COQ2: variants seen among roughly 807,000 people sequenced by gnomAD.
COQ2 encodes coenzyme Q2, polyprenyltransferase.
In COQ2, 25 loss-of-function variants were observed where a neutral mutation model predicts 35.7. The ratio of observed to expected loss-of-function variants is 0.70; its 90% CI spans 0.51 to 0.98. The LOEUF is 0.98. Ranked by LOEUF, COQ2 falls within the 50% of genes least tolerant of loss-of-function variation. The pLI is 0.00. For synonymous variants in COQ2, 206 were observed against 186.2 expected (o/e 1.11, Z -0.86); for missense variants, 488 against 473.5 (o/e 1.03, Z -0.28).
At chr4:83,266,048 A>T (rs1734910952) in intron 6 of COQ2, among the ~76,000 whole-genome samples, 2 of 152,248 alleles carry the variant, frequency 1.3e-5, no homozygotes, top group South Asian at 4.1e-4. Flanking sequence ...AAATATTAAC[A>T]TATACCCATT....
At chr4:83,280,578 T>C (rs1358815684) in intron 1 of COQ2, among the ~76,000 whole-genome samples, 1 of 152,134 alleles carries the variant, frequency 6.6e-6, no homozygotes, top group Non-Finnish European at 1.5e-5. Context: ...AAGAAAGAAA[T>C]ACAGTTAAAT....
At chr4:83,272,029 C>T (rs1371077151) in intron 4 of COQ2, 58 bp downstream of exon 4, 2 of 1,108,614 alleles carry the variant, frequency 1.8e-6, no homozygotes, top group African/African-American at 1.6e-5. Context: ...ACCTATCTCT[C>T]CATAAAAGTG....
At chr4:83,278,728 T>G (rs1025868648) in intron 2 of COQ2, among the ~76,000 whole-genome samples, 3 of 152,250 alleles carry the variant, frequency 2.0e-5, no homozygotes. Context: ...AATAATAAAG[T>G]ACACACCTTG....
chr4:83,269,803 T>C, intron 5 of COQ2, 57 bp downstream of exon 5: 1 of 1,369,584 alleles, frequency 7.3e-7, no homozygotes, highest in Non-Finnish European at 9.7e-7. Context: ...CTCCTTAATT[T>C]GGTTCTTTAA....
intron 6 of COQ2, among the ~76,000 whole-genome samples, chr4:83,264,834 C>A (rs1282119553): frequency 1.3e-5 from 2 of 152,190 alleles, no homozygotes; most frequent in Non-Finnish European, 2.9e-5. Context: ...AACTCCTACC[C>A]TCCAGTTCTG....
intron 1 of COQ2, chr4:83,283,379 G>T (rs1239334322): frequency 1.0e-6 from 1 of 985,284 alleles, no homozygotes. Context: ...GTCTAGTCTC[G>T]TTTCCCATTT....
At chr4:83,281,743 T>C (rs574379557) in intron 1 of COQ2, 1 of 152,346 alleles carries the variant, frequency 6.6e-6, no homozygotes, top group South Asian at 2.1e-4. Context: ...ATAGGCACTA[T>C]TTTTATTACA....
intron 6 of COQ2, among the ~76,000 whole-genome samples, chr4:83,265,059 G>A (rs1734880292): frequency 6.6e-6 from 1 of 152,208 alleles, no homozygotes; most frequent in Non-Finnish European, 1.5e-5. Context: ...AGGGGAGCTA[G>A]AGACCTAAAT....
At chr4:83,268,478 C>A (rs988591505) in intron 5 of COQ2, among the ~76,000 whole-genome samples, 1 of 152,214 alleles carries the variant, frequency 6.6e-6, no homozygotes, top group African/African-American at 2.4e-5. Context: ...CAGACAGCAA[C>A]CTGACAGGCT....
intron 4 of COQ2, among the ~76,000 whole-genome samples, chr4:83,271,176 CACCA>C (rs1012999805): frequency 6.6e-6 from 1 of 152,170 alleles, no homozygotes. Context: ...TCTTTCTTTT[CACCA>C]ACAAGTATGT....
intron 1 of COQ2, chr4:83,283,867 A>T: frequency 1.0e-6 from 1 of 985,478 alleles, no homozygotes; most frequent in Non-Finnish European, 1.2e-6. Flanking sequence ...TAGGAAGGTC[A>T]GGAAAATCTT....
chr4:83,284,428 G>A (rs1735401203), intron 1 of COQ2, 84 bp downstream of exon 1: 30 of 1,467,070 alleles, frequency 2.0e-5, no homozygotes, highest in Non-Finnish European at 2.7e-5. Flanking sequence ...TCACGCCCCG[G>A]CCGGCCGCCG....
chr4:83,279,071 C>G lies in COQ2; in HGVS notation c.297G>C (p.Leu99Phe). 1 of 1,593,754 alleles carries G rather than the reference C, an allele frequency of 6.3e-7. No individual in the cohort carries two copies. The highest frequency in any genetic ancestry group is 8.5e-7 in the Non-Finnish European group (1 of 1,169,794). Residue 99 changes from leucine to phenylalanine, a missense_variant, in exon 2 of 7, where the codon TTG (leucine) becomes TTC (phenylalanine). Physicochemically the swap from Leu to Phe is conservative, Grantham distance 22. Transcript: ENST00000647002. The part of the protein sequence containing the change: ...LYLPCTWSIG[L>F]AAEPGCFPDW... The stretch of plus-strand genomic sequence containing the variant: ...CTGGAAAACAACCTGGTTCAGCTGC[C>G]AAACCAATGCTCCAGGTACATGGTA...
At chr4:83,276,070 T>TATATATAATATATAATATATA (rs761494164) in intron 2 of COQ2, among the ~76,000 whole-genome samples, 2 of 66,630 alleles carry the variant, frequency 3.0e-5, no homozygotes, top group Admixed American at 1.5e-4. Context: ...ATATATATTT[T>TATATATAATATATAATATATA]ATATATAATA....
intron 6 of COQ2, among the ~76,000 whole-genome samples, chr4:83,265,824 C>G (rs1163719751): frequency 6.6e-6 from 1 of 151,844 alleles, no homozygotes; most frequent in Admixed American, 6.6e-5. Context: ...ACCACCATGC[C>G]CAGCTAATTT....
intron 5 of COQ2, among the ~76,000 whole-genome samples, chr4:83,268,527 G>T (rs970784226): frequency 2.0e-5 from 3 of 152,186 alleles, no homozygotes; most frequent in Non-Finnish European, 2.9e-5. Context: ...ATGACTGTGG[G>T]TGTTTCTGTT....
chr4:83,276,123 T>C (rs994870539), intron 2 of COQ2, among the ~76,000 whole-genome samples: 1 of 146,808 alleles, frequency 6.8e-6, no homozygotes, highest in African/African-American at 2.6e-5. Flanking sequence ...GTGTACAGAA[T>C]AAAACTGACC....
At chr4:83,266,991 T>C in intron 6 of COQ2, 3 of 336,372 alleles carry the variant, frequency 8.9e-6, no homozygotes, top group Non-Finnish European at 1.7e-5. Context: ...GCTTCAGATA[T>C]CACTGAAATT....
Position 83,269,769 on chromosome 4 carries a change from A to G in COQ2, c.762+91T>C, listed in dbSNP as rs1735001945. 5 of 1,157,670 alleles carry G rather than the reference A, an allele frequency of 4.3e-6. No individual in the cohort carries two copies. The South Asian group carries it at 6.2e-5, about 14-fold the overall frequency. The allele number at this position is 1,157,670 out of a possible 1,614,324, so 71.7% of individuals were successfully genotyped here. A position where few individuals can be genotyped will look rare whatever the true frequency, so the allele number is the denominator to read the frequency against. ...TTCTTAAAGTTCTTAAAAAACAACA[A>G]CAAATTTTAGAAAAAAATGCTTTCT... On this transcript the variant is annotated intron_variant, in intron 5 of 6. Transcript: ENST00000647002.
Sources: gnomAD v4.1 joint callset for allele counts (sites outside exome capture counted in the v4.1 genomes callset) on GRCh38, gnomAD v4.1.1 for gene constraint, MANE v1.5 for transcripts, NCBI Gene and HGNC (gene_info 2026-07-23, HGNC 2026-07-21) for gene names.